HS2ST1: variants seen among roughly 807,000 people sequenced by gnomAD.
HS2ST1 encodes 2-O-sulfotransferase.
Under a neutral mutation model 42.9 loss-of-function variants are expected in HS2ST1, and 18 were observed. The ratio of observed to expected loss-of-function variants is 0.42; its 90% CI spans 0.29 to 0.62. The LOEUF (loss-of-function observed/expected upper bound fraction) is 0.62, where lower values mean the gene tolerates loss of function less well. Ranked by LOEUF, HS2ST1 falls within the 20% of genes least tolerant of loss-of-function variation. The pLI, the probability that HS2ST1 is intolerant of heterozygous loss-of-function variation, is 0.21. For synonymous variants in HS2ST1, 146 were observed against 152.9 expected (o/e 0.95, Z 0.33); for missense variants, 334 against 433.8 (o/e 0.77, Z 2.04).
intron 5 of HS2ST1, among the ~76,000 whole-genome samples, chr1:87,100,233 GC>G (rs1414029361): frequency 6.6e-6 from 1 of 152,160 alleles, no homozygotes; most frequent in East Asian, 1.9e-4. Context: ...TAGGTGGAAT[GC>G]AAGCTCCTTC....
chr1:87,100,565 T>G (rs1489237514), intron 5 of HS2ST1, among the ~76,000 whole-genome samples: 1 of 152,226 alleles, frequency 6.6e-6, no homozygotes, highest in African/African-American at 2.4e-5. Flanking sequence ...CTTTTAGTCA[T>G]GCTAACCTCC....
At chr1:87,041,867 A>C (rs920585815) in intron 1 of HS2ST1, among the ~76,000 whole-genome samples, 2 of 152,162 alleles carry the variant, frequency 1.3e-5, no homozygotes, top group African/African-American at 4.8e-5. Context: ...TTGTTTTTAC[A>C]TATTGGCTGT....
intron 1 of HS2ST1, among the ~76,000 whole-genome samples, chr1:86,990,905 C>G (rs1448902855): frequency 7.1e-6 from 1 of 140,000 alleles, no homozygotes; most frequent in Admixed American, 7.5e-5. Flanking sequence ...ATCTCAAACT[C>G]CTGACCTCAG....
At chr1:87,049,215 C>G (rs1053243096) in intron 1 of HS2ST1, among the ~76,000 whole-genome samples, 1 of 151,680 alleles carries the variant, frequency 6.6e-6, no homozygotes, top group Non-Finnish European at 1.5e-5. Context: ...TTATAATATT[C>G]TTTTATTGTC....
intron 1 of HS2ST1, among the ~76,000 whole-genome samples, chr1:87,009,881 A>G (rs1458884645): frequency 6.6e-6 from 1 of 151,924 alleles, no homozygotes; most frequent in African/African-American, 2.4e-5. Context: ...AAAAATACAA[A>G]AAAATTAGCT....
chr1:87,016,607 G>A (rs1649767442), intron 1 of HS2ST1, among the ~76,000 whole-genome samples: 1 of 152,054 alleles, frequency 6.6e-6, no homozygotes, highest in Non-Finnish European at 1.5e-5. Flanking sequence ...TGGTAAATAA[G>A]GGAATAGCAT....
intron 1 of HS2ST1, among the ~76,000 whole-genome samples, chr1:87,064,871 C>T (rs1020210739): frequency 1.3e-5 from 2 of 152,154 alleles, no homozygotes; most frequent in Admixed American, 1.3e-4. Flanking sequence ...CCGTGTTGCT[C>T]AGGCTGGTCT....
chr1:86,954,683 C>G (rs934533280), intron 1 of HS2ST1, among the ~76,000 whole-genome samples: 1 of 152,108 alleles, frequency 6.6e-6, no homozygotes, highest in Admixed American at 6.5e-5. Context: ...GTTCCACTTT[C>G]TTCTCATGTA....
At chr1:87,037,902 C>A (rs549287780) in intron 1 of HS2ST1, among the ~76,000 whole-genome samples, 4 of 151,980 alleles carry the variant, frequency 2.6e-5, no homozygotes, top group Non-Finnish European at 5.9e-5. Context: ...AGATTGTCTG[C>A]AGTTATGAGC....
chr1:86,981,584 T>C (rs1289641838), intron 1 of HS2ST1, among the ~76,000 whole-genome samples: 1 of 152,236 alleles, frequency 6.6e-6, no homozygotes, highest in African/African-American at 2.4e-5. Context: ...TCCATGCAAG[T>C]CAGAAACCCG....
intron 1 of HS2ST1, among the ~76,000 whole-genome samples, chr1:87,005,691 A>G (rs7531296): frequency 0.69 from 104,588 of 152,080 alleles, 38,582 homozygotes; most frequent in East Asian, 0.97. Flanking sequence ...ATTCTCTTTT[A>G]CTAGGTGAAC....
chr1:86,924,554 C>A (rs940760354), intron 1 of HS2ST1, among the ~76,000 whole-genome samples: 11 of 152,162 alleles, frequency 7.2e-5, no homozygotes, highest in Non-Finnish European at 1.5e-4. Flanking sequence ...CTTCTGAAAT[C>A]TAGGCTGAGG....
chr1:87,042,441 G>T (rs1017756270), intron 1 of HS2ST1, among the ~76,000 whole-genome samples: 5 of 152,030 alleles, frequency 3.3e-5, no homozygotes, highest in Admixed American at 2.6e-4. Flanking sequence ...GAATTTTACA[G>T]TTCTGGGTCC....
At chr1:87,020,486 T>A (rs1177012299) in intron 1 of HS2ST1, among the ~76,000 whole-genome samples, 1 of 152,218 alleles carries the variant, frequency 6.6e-6, no homozygotes, top group Non-Finnish European at 1.5e-5. Flanking sequence ...AGCATTGTAT[T>A]TCTTGAGTTT....
chr1:86,975,038 A>G (rs1381682321), intron 1 of HS2ST1, among the ~76,000 whole-genome samples: 1 of 152,120 alleles, frequency 6.6e-6, no homozygotes, highest in Non-Finnish European at 1.5e-5. Flanking sequence ...AACTGGCTGG[A>G]TTCTGGTGAG....
At chr1:86,953,284 A>C (rs1174997188) in intron 1 of HS2ST1, among the ~76,000 whole-genome samples, 2 of 152,216 alleles carry the variant, frequency 1.3e-5, no homozygotes, top group Admixed American at 6.5e-5. Flanking sequence ...TGATCTATCA[A>C]GGTCACTTAA....
intron 5 of HS2ST1, among the ~76,000 whole-genome samples, chr1:87,100,404 C>T (rs1258998155): frequency 6.6e-6 from 1 of 152,180 alleles, no homozygotes. Context: ...TGTCCCAAGG[C>T]TTCTCAGGGC....
intron 1 of HS2ST1, among the ~76,000 whole-genome samples, chr1:87,071,499 G>A (rs528415929): frequency 2.0e-5 from 3 of 152,278 alleles, no homozygotes; most frequent in Non-Finnish European, 2.9e-5. Flanking sequence ...GGGAGGCCGA[G>A]GCGGGTGGAT....
chr1:86,950,960 C>T (rs1647495906), intron 1 of HS2ST1, among the ~76,000 whole-genome samples: 1 of 152,090 alleles, frequency 6.6e-6, no homozygotes, highest in Non-Finnish European at 1.5e-5. Flanking sequence ...TTCTACAGTC[C>T]TTTCCAGAGA....
Sources: gnomAD v4.1 joint callset for allele counts (sites outside exome capture counted in the v4.1 genomes callset) on GRCh38, gnomAD v4.1.1 for gene constraint, MANE v1.5 for transcripts, NCBI Gene and HGNC (gene_info 2026-07-23, HGNC 2026-07-21) for gene names.